Variants in NAV2 observed in about 807,000 individuals in gnomAD.
The protein encoded by NAV2 is neuron navigator 2.
In NAV2, 54 loss-of-function variants were observed where a neutral mutation model predicts 223.2. The ratio of observed to expected loss-of-function variants is 0.24; its 90% CI spans 0.19 to 0.30. NAV2 has a LOEUF of 0.30. Among genes scored for constraint, NAV2 ranks in the 10% least tolerant of loss-of-function variants. The pLI is 1.00. For missense variants in NAV2, 2,806 were observed against 3,147.5 expected, an observed-to-expected ratio of 0.89 and a Z score of 2.60; for synonymous variants, 1,279 against 1,239.3, an observed-to-expected ratio of 1.03 and a Z score of -0.67.
chr11:19,869,146 G>A (rs2062291202), intron 4 of NAV2, 149 bp downstream of exon 4: 1 of 726,636 alleles, frequency 1.4e-6, no homozygotes, highest in African/African-American at 1.8e-5. Context: ...TGGTTGCCTA[G>A]ACTTGAGGAT....
intron 1 of NAV2, among the ~76,000 whole-genome samples, chr11:19,665,084 G>A (rs544360985): frequency 6.6e-6 from 1 of 152,220 alleles, no homozygotes; most frequent in Non-Finnish European, 1.5e-5. Context: ...GTTGGAGAGG[G>A]AGAGGCAGTC....
intron 1 of NAV2, among the ~76,000 whole-genome samples, chr11:19,480,170 C>A (rs917066493): frequency 6.6e-6 from 1 of 152,102 alleles, no homozygotes; most frequent in African/African-American, 2.4e-5. Flanking sequence ...CAAAATTAAG[C>A]AGGTTTATTT....
chr11:19,444,488 G>A (rs1282957334), intron 1 of NAV2, among the ~76,000 whole-genome samples: 4 of 152,056 alleles, frequency 2.6e-5, no homozygotes, highest in Non-Finnish European at 4.4e-5. Flanking sequence ...TCTTGCTGTG[G>A]TTTAACCATG....
At chr11:19,474,656 A>C (rs2042063525) in intron 1 of NAV2, among the ~76,000 whole-genome samples, 1 of 152,228 alleles carries the variant, frequency 6.6e-6, no homozygotes, top group Admixed American at 6.5e-5. Context: ...TATAAAAACA[A>C]TATATTCATG....
intron 9 of NAV2, 29 bp from the exon 10 acceptor site, chr11:19,948,662 G>T: frequency 2.0e-6 from 3 of 1,528,296 alleles, no homozygotes; most frequent in Middle Eastern, 1.8e-4. Flanking sequence ...AGGTACCTTT[G>T]AGTCTAATCA....
chr11:19,709,545 T>C (rs1171021496), upstream of NAV2, among the ~76,000 whole-genome samples: 1 of 20,406 alleles, frequency 4.9e-5, no homozygotes, highest in African/African-American at 1.8e-4. Context: ...AGACTCCGTC[T>C]CAAAAAAAAA....
intron 1 of NAV2, among the ~76,000 whole-genome samples, chr11:19,477,171 T>C (rs2042143717): frequency 6.6e-6 from 1 of 152,140 alleles, no homozygotes; most frequent in Admixed American, 6.5e-5. Context: ...GGCAGCTCTC[T>C]AGCAAAGCTG....
At chr11:19,437,935 A>AT (rs1851269509) in intron 1 of NAV2, among the ~76,000 whole-genome samples, 1 of 152,156 alleles carries the variant, frequency 6.6e-6, no homozygotes, top group Non-Finnish European at 1.5e-5. Context: ...TGATATGTGT[A>AT]TTTTTCTCCA....
chr11:19,824,412 C>T (rs1290784639), intron 1 of NAV2, among the ~76,000 whole-genome samples: 1 of 152,068 alleles, frequency 6.6e-6, no homozygotes, highest in East Asian at 1.9e-4. Context: ...TGGTCATTGC[C>T]CTAGAGGTTG....
intron 4 of NAV2, among the ~76,000 whole-genome samples, chr11:19,877,855 T>C (rs866832361): frequency 5.9e-4 from 90 of 152,292 alleles, no homozygotes; most frequent in African/African-American, 1.9e-3. Context: ...TGGGCCTTTG[T>C]TTTCCCATAA....
At chr11:19,601,367 C>T (rs2046345242) in intron 1 of NAV2, among the ~76,000 whole-genome samples, 1 of 152,182 alleles carries the variant, frequency 6.6e-6, no homozygotes, top group Admixed American at 6.5e-5. Flanking sequence ...TTCTCCTTCC[C>T]TTGCCTCCGC....
chr11:19,874,417 C>T (rs1243705603), intron 4 of NAV2, among the ~76,000 whole-genome samples: 1 of 152,198 alleles, frequency 6.6e-6, no homozygotes, highest in African/African-American at 2.4e-5. Context: ...AGTCAGTTCT[C>T]TCTACATCTA....
chr11:19,448,154 AC>A (rs1010323108), intron 1 of NAV2, among the ~76,000 whole-genome samples: 3 of 121,978 alleles, frequency 2.5e-5, no homozygotes, highest in African/African-American at 6.0e-5. Context: ...CCCCTACCCC[AC>A]CCCCCATCAC....
At chr11:19,792,351 C>G (rs1158107060) in intron 1 of NAV2, among the ~76,000 whole-genome samples, 5 of 152,214 alleles carry the variant, frequency 3.3e-5, no homozygotes, top group Non-Finnish European at 7.3e-5. Context: ...ATTGCCCCCT[C>G]CTCCTGCCCT....
At chr11:19,482,421 A>G (rs2042307902) in intron 1 of NAV2, among the ~76,000 whole-genome samples, 1 of 152,196 alleles carries the variant, frequency 6.6e-6, no homozygotes, top group South Asian at 2.1e-4. Context: ...TGAATGTTCT[A>G]TAGGACCCCG....
chr11:19,456,143 T>C (rs940223178), intron 1 of NAV2, among the ~76,000 whole-genome samples: 5 of 152,178 alleles, frequency 3.3e-5, no homozygotes, highest in Admixed American at 2.6e-4. Flanking sequence ...GACCCAACTC[T>C]GAAAAACATA....
intron 1 of NAV2, among the ~76,000 whole-genome samples, chr11:19,668,241 A>T (rs570152463): frequency 5.3e-5 from 8 of 152,334 alleles, no homozygotes; most frequent in African/African-American, 1.9e-4. Context: ...CAATTGCCTT[A>T]AAAAGTATCC....
intron 1 of NAV2, among the ~76,000 whole-genome samples, chr11:19,608,213 A>T (rs908221147): frequency 9.2e-5 from 14 of 152,252 alleles, no homozygotes; most frequent in Admixed American, 9.2e-4. Context: ...AACAGAACTC[A>T]TGCTTTCACT....
chr11:19,556,568 A>G (rs899862613), intron 1 of NAV2, among the ~76,000 whole-genome samples: 1 of 152,346 alleles, frequency 6.6e-6, no homozygotes, highest in African/African-American at 2.4e-5. Flanking sequence ...TGAAATATAA[A>G]CCATAGAATT....
Sources: gnomAD v4.1 joint callset for allele counts (sites outside exome capture counted in the v4.1 genomes callset) on GRCh38, gnomAD v4.1.1 for gene constraint, MANE v1.5 for transcripts, NCBI Gene and HGNC (gene_info 2026-07-23, HGNC 2026-07-21) for gene names.